The following DIPK1A variants were observed in gnomAD, a reference collection of about 807,000 sequenced individuals.
DIPK1A encodes divergent protein kinase domain 1A.
A neutral mutation model predicts 40.8 loss-of-function variants in DIPK1A; 27 were observed. The observed-to-expected ratio is 0.66, with a 90% CI of 0.49 to 0.91. The LOEUF (loss-of-function observed/expected upper bound fraction) is 0.91, where lower values mean the gene tolerates loss of function less well. Ranked by LOEUF, DIPK1A falls within the 40% of genes least tolerant of loss-of-function variation. DIPK1A has a pLI of 0.00. For synonymous variants in DIPK1A, 166 were observed against 171.3 expected, an observed-to-expected ratio of 0.97 and a Z score of 0.24; for missense variants, 412 against 505.7, an observed-to-expected ratio of 0.81 and a Z score of 1.78.
intron 1 of DIPK1A, among the ~76,000 whole-genome samples, chr1:92,929,151 G>T (rs1446187955): frequency 1.3e-5 from 2 of 152,132 alleles, no homozygotes; most frequent in African/African-American, 4.8e-5. Flanking sequence ...ACTTTCTCTT[G>T]AACGTGGTAA....
Position 92,956,645 on chromosome 1 carries a change from C to T in DIPK1A, c.54+4731G>A, listed in dbSNP as rs145497225. 2.8e-3 allele frequency among the ~76,000 whole-genome samples: 419 copies of T among 152,274 alleles called. 2 individuals are homozygous for T. The highest frequency in any genetic ancestry group is 9.4e-3 in the African/African-American group (390 of 41,542). On this transcript the variant is annotated intron_variant, in intron 1 of 4. Coordinates refer to ENST00000370310, the MANE Select transcript of DIPK1A (RefSeq NM_001006605.5). The stretch of plus-strand genomic sequence containing the variant: ...ATTACCAATTAATCTGTATCAGTAA[C>T]CCTGTCTGGCACTAAATCTCACAAA...
chr1:92,940,175 G>A (rs551182169), intron 1 of DIPK1A, among the ~76,000 whole-genome samples: 1 of 152,264 alleles, frequency 6.6e-6, no homozygotes, highest in South Asian at 2.1e-4. Flanking sequence ...TAAACCTGAT[G>A]TAGTCCTTTC....
Position 92,876,283 on chromosome 1 carries a change from T to A in DIPK1A, c.189+13A>T. 1 of 1,469,506 alleles carries A rather than the reference T, an allele frequency of 6.8e-7. No homozygotes were observed. The highest frequency in any genetic ancestry group is 9.2e-7 in the Non-Finnish European group (1 of 1,091,624). 91.0% of individuals were successfully genotyped at this position (1,469,506 alleles called of 1,614,324 possible). A position where few individuals can be genotyped will look rare whatever the true frequency, so the allele number is the denominator to read the frequency against. On this transcript the variant is annotated intron_variant, in intron 2 of 4. Transcript: ENST00000370310. ...AGAGGCTTTTTAGTAAACAGGAAATTTAAAATACTTACTATTATTTTCTTA... is the reference window on the plus strand; with the variant it reads ...AGAGGCTTTTTAGTAAACAGGAAATATAAAATACTTACTATTATTTTCTTA...
chr1:92,961,061 C>T (rs1652059939), intron 1 of DIPK1A, among the ~76,000 whole-genome samples: 1 of 152,154 alleles, frequency 6.6e-6, no homozygotes, highest in East Asian at 1.9e-4. Flanking sequence ...GGGCAATGCC[C>T]GGAGCGCGGG....
downstream of DIPK1A, chr1:92,841,680 A>AAAATT: frequency 1.2e-6 from 1 of 841,672 alleles, no homozygotes; most frequent in Non-Finnish European, 1.7e-6. Context: ...ATTCTCTATC[A>AAAATT]AAATTAAATT....
intron 1 of DIPK1A, among the ~76,000 whole-genome samples, chr1:92,904,580 C>G (rs1353985891): frequency 6.6e-6 from 1 of 152,038 alleles, no homozygotes; most frequent in African/African-American, 2.4e-5. Context: ...AGATTTTGTA[C>G]AGGCATGCAA....
intron 1 of DIPK1A, among the ~76,000 whole-genome samples, chr1:92,953,154 A>C (rs1266032471): frequency 1.3e-5 from 2 of 152,224 alleles, no homozygotes; most frequent in Non-Finnish European, 2.9e-5. Flanking sequence ...AAGCATATGA[A>C]AAGATGTTCA....
chr1:92,888,889 G>T (rs974216668), intron 1 of DIPK1A, among the ~76,000 whole-genome samples: 6 of 152,118 alleles, frequency 3.9e-5, no homozygotes, highest in Admixed American at 3.9e-4. Context: ...GTTTGCTGTT[G>T]AGCTCTTTGT....
intron 1 of DIPK1A, among the ~76,000 whole-genome samples, chr1:92,902,933 C>T (rs570175136): frequency 1.3e-5 from 2 of 152,320 alleles, no homozygotes; most frequent in East Asian, 3.9e-4. Context: ...GCTGATGTCA[C>T]TTGGAGCGTG....
At chr1:92,951,279 A>ACATGAAC (rs577016798) in intron 1 of DIPK1A, among the ~76,000 whole-genome samples, 19 of 152,306 alleles carry the variant, frequency 1.2e-4, no homozygotes, top group East Asian at 7.7e-4. Flanking sequence ...AGAAAGGGAA[A>ACATGAAC]CATGAACCAT....
downstream of DIPK1A, chr1:92,837,719 T>C (rs1285507428): frequency 2.0e-5 from 22 of 1,074,304 alleles, no homozygotes; most frequent in South Asian, 5.3e-5. Flanking sequence ...AACATTCTTA[T>C]ATAGGTGTGT....
chr1:92,916,318 T>C (rs1229608607), intron 1 of DIPK1A, among the ~76,000 whole-genome samples: 1 of 150,800 alleles, frequency 6.6e-6, no homozygotes, highest in Non-Finnish European at 1.5e-5. Flanking sequence ...TTTTTTTTTT[T>C]GAGACGGAGT....
chr1:92,944,188 T>C (rs1651277725), intron 1 of DIPK1A, among the ~76,000 whole-genome samples: 1 of 151,794 alleles, frequency 6.6e-6, no homozygotes, highest in Non-Finnish European at 1.5e-5. Context: ...GAATAAAAGA[T>C]AAAAATAATA....
intron 2 of DIPK1A, among the ~76,000 whole-genome samples, chr1:92,874,170 GAAATT>G (rs1403589336): frequency 1.3e-5 from 2 of 152,044 alleles, no homozygotes; most frequent in African/African-American, 2.4e-5. Context: ...AAATTAAAGG[GAAATT>G]AAATTAAAGT....
intron 2 of DIPK1A, among the ~76,000 whole-genome samples, chr1:92,871,457 A>C (rs61318253): frequency 1.3e-5 from 2 of 152,000 alleles, no homozygotes; most frequent in Non-Finnish European, 2.9e-5. Context: ...GAGACACTGC[A>C]CCCGGCCTCT....
chr1:92,848,070 A>G (rs1687696114), intron 3 of DIPK1A, among the ~76,000 whole-genome samples: 1 of 152,094 alleles, frequency 6.6e-6, no homozygotes, highest in Non-Finnish European at 1.5e-5. Flanking sequence ...TAATCCTTGT[A>G]CCAATCTTAG....
intron 1 of DIPK1A, among the ~76,000 whole-genome samples, chr1:92,884,802 T>C (rs892349075): frequency 3.3e-5 from 5 of 152,188 alleles, no homozygotes; most frequent in Admixed American, 2.6e-4. Context: ...CTAAAGCATA[T>C]TTTAGGGCAA....
intron 1 of DIPK1A, among the ~76,000 whole-genome samples, chr1:92,895,195 C>T (rs1216575457): frequency 1.3e-5 from 2 of 151,648 alleles, no homozygotes; most frequent in Non-Finnish European, 2.9e-5. Context: ...GGCAGAGACA[C>T]AACAAAAAAA....
intron 1 of DIPK1A, among the ~76,000 whole-genome samples, chr1:92,946,904 A>G (rs1651386849): frequency 6.7e-6 from 1 of 150,078 alleles, no homozygotes; most frequent in South Asian, 2.1e-4. Context: ...AGACTGTGCC[A>G]CTGTACTCCA....
Sources: gnomAD v4.1 joint callset for allele counts (sites outside exome capture counted in the v4.1 genomes callset) on GRCh38, gnomAD v4.1.1 for gene constraint, MANE v1.5 for transcripts, NCBI Gene and HGNC (gene_info 2026-07-23, HGNC 2026-07-21) for gene names.